PCDHGA8: variants seen among roughly 807,000 people sequenced by gnomAD.
The protein encoded by PCDHGA8 is protocadherin gamma-A8.
Under a neutral mutation model 59.2 loss-of-function variants are expected in PCDHGA8, and 45 were observed. The observed-to-expected ratio is 0.76, with a 90% CI of 0.60 to 0.98. PCDHGA8 has a LOEUF of 0.98. Ranked by LOEUF, PCDHGA8 falls within the 50% of genes least tolerant of loss-of-function variation. The probability of loss-of-function intolerance (pLI) is 0.00; values close to 1 mark genes in which losing one functional copy is unlikely to be tolerated. For synonymous variants in PCDHGA8, 531 were observed against 519.0 expected (o/e 1.02, Z -0.32); for missense variants, 1,257 against 1,196.2 (o/e 1.05, Z -0.75).
chr5:141,496,338 G>A (rs1011495959), intron 2 of PCDHGA8, among the ~76,000 whole-genome samples: 5 of 152,230 alleles, frequency 3.3e-5, no homozygotes, highest in African/African-American at 9.6e-5. Flanking sequence ...TCAGGAGCCT[G>A]GAGGAGTCTC....
chr5:141,416,063 A>G (rs546746824), intron 1 of PCDHGA8: 201 of 176,914 alleles, frequency 1.1e-3, no homozygotes, highest in Non-Finnish European at 1.8e-3. Flanking sequence ...ATCCAAGAAT[A>G]CTCAATGCAG....
intron 1 of PCDHGA8, chr5:141,423,696 T>A: frequency 4.0e-6 from 6 of 1,492,822 alleles, no homozygotes; most frequent in Non-Finnish European, 5.3e-6. Flanking sequence ...ATTGTTGGTG[T>A]CTTGGCACAA....
rs1476081470 is a variant in PCDHGA8, at chr5:141,432,757, C to G, written c.2424+37520C>G. 2.5e-6 allele frequency: 4 copies of G among 1,614,150 alleles called. No homozygotes were observed. The highest frequency in any genetic ancestry group is 1.3e-5 in the African/African-American group (1 of 75,076). ...TCACGCTCACCGTGGCCGTGGCCGA[C>G]AGCATCCCCCAAGTCCTGGCGGACC... On this transcript the variant is annotated intron_variant, in intron 1 of 3. Coordinates refer to ENST00000398604, the MANE Select transcript of PCDHGA8 (RefSeq NM_032088.2). This position sits in a 1 kb window ranked among gnomAD's most constrained non-coding sequence, Gnocchi z 6.0.
chr5:141,412,041 T>G (rs2095531468), intron 1 of PCDHGA8: 1 of 152,108 alleles, frequency 6.6e-6, no homozygotes, highest in Non-Finnish European at 1.5e-5. Context: ...GTGAAAGAAG[T>G]GAACTTCTAT....
chr5:141,509,060 T>G (rs2099874519), intron 3 of PCDHGA8, among the ~76,000 whole-genome samples: 1 of 152,216 alleles, frequency 6.6e-6, no homozygotes, highest in Middle Eastern at 3.4e-3. Flanking sequence ...CAGAAAGCTC[T>G]CAGCTCCGGG....
chr5:141,427,787 C>T, intron 1 of PCDHGA8: 1 of 1,478,068 alleles, frequency 6.8e-7, no homozygotes, highest in Non-Finnish European at 9.4e-7. Flanking sequence ...CACTGTCGTC[C>T]TACGTGTCCG....
intron 1 of PCDHGA8, among the ~76,000 whole-genome samples, chr5:141,464,984 C>T (rs1345385418): frequency 1.3e-5 from 2 of 152,034 alleles, no homozygotes; most frequent in Non-Finnish European, 2.9e-5. Flanking sequence ...TCAAGTGATC[C>T]TCCCACCTCA....
In PCDHGA8 at chr5:141,487,519, T is replaced by C. The variant is rs1288070159; in HGVS notation, c.2425-7288T>C. The C allele has an allele frequency of 6.2e-7, 1 of 1,614,046 alleles. No individual in the cohort carries two copies. ...CCTTGGCTTCTGCACCCACTCGGAG[T>C]GATAGCTTCATGATGGTGAAGTCAC... On this transcript the variant is annotated intron_variant, in intron 1 of 3. Transcript: ENST00000398604. The surrounding 1 kb of genome is among the most constrained non-coding windows in gnomAD (Gnocchi z 5.0).
rs1273620361 is a variant in PCDHGA8, at chr5:141,486,809, A to G, written c.2425-7998A>G. 1 of 1,614,106 alleles carries G rather than the reference A, an allele frequency of 6.2e-7. No homozygotes were observed. The highest frequency in any genetic ancestry group is 1.3e-5 in the African/African-American group (1 of 74,936). On this transcript the variant is annotated intron_variant, in intron 1 of 3. Coordinates refer to ENST00000398604, the MANE Select transcript of PCDHGA8 (RefSeq NM_032088.2). This position sits in a 1 kb window ranked among gnomAD's most constrained non-coding sequence, Gnocchi z 5.0. ...CCGGGATCGGGGCAACCCACCCCTT[A>G]GCAGCACTGTAACAGTTCGTCTATT...
At chr5:141,398,729 A>T in intron 1 of PCDHGA8, 1 of 1,613,820 alleles carries the variant, frequency 6.2e-7, no homozygotes, top group Non-Finnish European at 8.5e-7. Flanking sequence ...AAAACCTTAG[A>T]CCGGGAACAA....
rs776737236 is a variant in PCDHGA8, at chr5:141,431,439, G to T, written c.2424+36202G>T. 20 of 1,613,724 alleles carry T rather than the reference G, an allele frequency of 1.2e-5. No individual in the cohort carries two copies. The highest frequency in any genetic ancestry group is 4.5e-5 in the East Asian group (2 of 44,888). Reference sequence around the variant, plus strand: ...GACCCGGTGCGCACAGGCACCGCGCGCATCCGCGTGATGGTTCTGGATGCG... The same window carrying T: ...GACCCGGTGCGCACAGGCACCGCGCTCATCCGCGTGATGGTTCTGGATGCG... On this transcript the variant is annotated intron_variant, in intron 1 of 3. Coordinates refer to ENST00000398604, the MANE Select transcript of PCDHGA8 (RefSeq NM_032088.2). This position sits in a 1 kb window ranked among gnomAD's most constrained non-coding sequence, Gnocchi z 4.8.
chr5:141,435,073 G>A (rs535689336), intron 1 of PCDHGA8, among the ~76,000 whole-genome samples: 150 of 151,756 alleles, frequency 9.9e-4, no homozygotes, highest in Middle Eastern at 3.4e-3. Flanking sequence ...TGTGTAGACC[G>A]TCTGATAACA....
rs2099756055 is a variant in PCDHGA8, at chr5:141,494,679, C to T, written c.2425-128C>T. The T allele has an allele frequency of 3.9e-6, 6 of 1,556,494 alleles. No homozygotes were observed. In the South Asian group the frequency reaches 4.7e-5, roughly 12 times the overall value. ...GTCTTTGGAGATGAGTCCACCCCTG[C>T]CCCCTCTTAGTCCGTTTTCTTCTCT... is the stretch of plus-strand genomic sequence containing the variant. On this transcript the variant is annotated intron_variant, in intron 1 of 3. Coordinates refer to ENST00000398604, the MANE Select transcript of PCDHGA8 (RefSeq NM_032088.2).
chr5:141,490,933 C>T lies in PCDHGA8; in HGVS notation c.2425-3874C>T, dbSNP rs781291690. ...CGAGAATGATAATGCCCCAGCTGTG[C>T]TGCACCCACGGCCAGACTGGGAACA... On this transcript the variant is annotated intron_variant, in intron 1 of 3. Transcript: ENST00000398604. The surrounding 1 kb of genome is among the most constrained non-coding windows in gnomAD (Gnocchi z 5.4). 5.0e-6 allele frequency: 8 copies of T among 1,613,702 alleles called. No individual in the cohort carries two copies. The highest frequency in any genetic ancestry group is 5.9e-6 in the Non-Finnish European group (7 of 1,179,770).
At chr5:141,456,148 C>G (rs1408257938) in intron 1 of PCDHGA8, among the ~76,000 whole-genome samples, 1 of 152,080 alleles carries the variant, frequency 6.6e-6, no homozygotes, top group African/African-American at 2.4e-5. Flanking sequence ...CCGCCCGCCT[C>G]GGCCTCCTAA....
chr5:141,407,919 C>A, intron 1 of PCDHGA8: 1 of 472,082 alleles, frequency 2.1e-6, no homozygotes, highest in Non-Finnish European at 3.7e-6. Flanking sequence ...GGCTGCTGTC[C>A]CGCACGGAGC....
chr5:141,428,658 T>G (rs932328483), intron 1 of PCDHGA8: 1 of 165,620 alleles, frequency 6.0e-6, no homozygotes, highest in Non-Finnish European at 1.3e-5. Flanking sequence ...TGAGTTCCAA[T>G]GAATGTCTTT....
intron 1 of PCDHGA8, among the ~76,000 whole-genome samples, chr5:141,460,307 C>A (rs1025049001): frequency 6.6e-6 from 1 of 152,102 alleles, no homozygotes; most frequent in African/African-American, 2.4e-5. Context: ...TATTCAAAAA[C>A]TCCTTGCCTA....
intron 1 of PCDHGA8, among the ~76,000 whole-genome samples, chr5:141,402,022 T>A (rs1170426258): frequency 6.6e-6 from 1 of 152,210 alleles, no homozygotes; most frequent in East Asian, 1.9e-4. Context: ...TTTGAATCAT[T>A]GAAACACAGT....
Sources: allele counts gnomAD v4.1 joint callset (sites outside exome capture counted in the v4.1 genomes callset), GRCh38; gene constraint gnomAD v4.1.1; non-coding constraint Gnocchi (gnomAD v3.1); transcripts MANE v1.5; gene names NCBI Gene and HGNC (gene_info 2026-07-23, HGNC 2026-07-21).